The following R3HDM1 variants were observed in gnomAD, a reference collection of about 807,000 sequenced individuals.
R3HDM1 encodes the protein R3H domain-containing protein 1.
Under a neutral mutation model 141.1 loss-of-function variants are expected in R3HDM1, and 46 were observed. The ratio of observed to expected loss-of-function variants is 0.33; its 90% CI spans 0.26 to 0.42. The LOEUF (loss-of-function observed/expected upper bound fraction) is 0.42. R3HDM1 is among the 10% of genes least tolerant of loss of function. The pLI is 1.00. For synonymous variants in R3HDM1, 435 were observed against 472.9 expected (o/e 0.92, Z 1.04); for missense variants, 1,184 against 1,368.3 (o/e 0.87, Z 2.12).
At chr2:135,572,456 T>G (rs1704351609) in intron 1 of R3HDM1, among the ~76,000 whole-genome samples, 1 of 152,054 alleles carries the variant, frequency 6.6e-6, no homozygotes, top group Non-Finnish European at 1.5e-5. Context: ...GAAATGTAAA[T>G]CAAAACCAAA....
intron 19 of R3HDM1, among the ~76,000 whole-genome samples, chr2:135,670,765 A>G (rs955049515): frequency 6.6e-6 from 1 of 152,160 alleles, no homozygotes. Flanking sequence ...CTACATTTTT[A>G]AAAATATTCA....
At chr2:135,716,751 A>G (rs1166572646) in intron 24 of R3HDM1, among the ~76,000 whole-genome samples, 1 of 152,156 alleles carries the variant, frequency 6.6e-6, no homozygotes, top group Non-Finnish European at 1.5e-5. Context: ...TAGGAGTTCA[A>G]GACCAGCCTG....
chr2:135,707,738 C>T (rs1253662880), intron 21 of R3HDM1, among the ~76,000 whole-genome samples: 4 of 152,140 alleles, frequency 2.6e-5, no homozygotes, highest in Non-Finnish European at 2.9e-5. Context: ...TCCTCAATTT[C>T]GGCACATTTA....
At chr2:135,531,723 GAGA>G (rs1694746446) in intron 1 of R3HDM1, 90 bp downstream of exon 1, 1 of 986,094 alleles carries the variant, frequency 1.0e-6, no homozygotes, top group Non-Finnish European at 1.2e-6. Context: ...AGCGCTAACG[GAGA>G]AGGAGGCAGG....
intron 19 of R3HDM1, among the ~76,000 whole-genome samples, chr2:135,674,542 A>G (rs1418940483): frequency 6.6e-6 from 1 of 152,200 alleles, no homozygotes; most frequent in Non-Finnish European, 1.5e-5. Flanking sequence ...AGGAGACAAA[A>G]TACAATTCGT....
intron 1 of R3HDM1, among the ~76,000 whole-genome samples, chr2:135,587,853 G>T (rs1033255144): frequency 6.6e-6 from 1 of 150,766 alleles, no homozygotes; most frequent in African/African-American, 2.4e-5. Context: ...CTGAATATTT[G>T]TCTCTCCCTC....
intron 1 of R3HDM1, among the ~76,000 whole-genome samples, chr2:135,583,196 G>T (rs565666975): frequency 6.6e-6 from 1 of 152,116 alleles, no homozygotes; most frequent in African/African-American, 2.4e-5. Context: ...TTGTTTACCG[G>T]TCTCTCTAGT....
chr2:135,609,421 G>T (rs567724063), intron 3 of R3HDM1, among the ~76,000 whole-genome samples: 3 of 152,274 alleles, frequency 2.0e-5, no homozygotes, highest in African/African-American at 7.2e-5. Context: ...TTGCCTTGGA[G>T]TTGTTCTGAA....
intron 1 of R3HDM1, among the ~76,000 whole-genome samples, chr2:135,545,487 G>T (rs1490487699): frequency 6.6e-6 from 1 of 152,156 alleles, no homozygotes; most frequent in Non-Finnish European, 1.5e-5. Flanking sequence ...GAAGGAAAAA[G>T]CCATGAGATA....
chr2:135,657,005 C>G (rs769554699), intron 18 of R3HDM1, among the ~76,000 whole-genome samples: 3 of 151,818 alleles, frequency 2.0e-5, no homozygotes, highest in Non-Finnish European at 4.4e-5. Flanking sequence ...GAGGCTGAGG[C>G]ACAAGAATTG....
At chr2:135,534,466 T>G (rs1251161171) in intron 1 of R3HDM1, among the ~76,000 whole-genome samples, 1 of 152,238 alleles carries the variant, frequency 6.6e-6, no homozygotes. Flanking sequence ...TTGTGAGAGG[T>G]GCTATTCCTT....
At chr2:135,721,078 A>C (rs765444802) in intron 24 of R3HDM1, among the ~76,000 whole-genome samples, 1 of 152,318 alleles carries the variant, frequency 6.6e-6, no homozygotes, top group Admixed American at 6.5e-5. Context: ...GTCTCTATTC[A>C]TGTAGTTCCT....
At chr2:135,568,673 T>C (rs1703361411) in intron 1 of R3HDM1, 1 of 152,240 alleles carries the variant, frequency 6.6e-6, no homozygotes, top group Non-Finnish European at 1.5e-5. Flanking sequence ...TTTTAACCTT[T>C]GAAATAGAGT....
intron 1 of R3HDM1, among the ~76,000 whole-genome samples, chr2:135,550,479 T>A (rs542402750): frequency 4.4e-4 from 67 of 152,344 alleles, no homozygotes; most frequent in African/African-American, 1.5e-3. Context: ...ACCTATACTG[T>A]AATTTTAGAA....
At chr2:135,632,363 A>C (rs1358525884) in intron 9 of R3HDM1, among the ~76,000 whole-genome samples, 1 of 151,338 alleles carries the variant, frequency 6.6e-6, no homozygotes, top group African/African-American at 2.4e-5. Flanking sequence ...GAGAGAGCAG[A>C]CTTTGTCCGT....
At chr2:135,636,731 A>G (rs552785083) in intron 11 of R3HDM1, among the ~76,000 whole-genome samples, 4 of 151,864 alleles carry the variant, frequency 2.6e-5, no homozygotes, top group African/African-American at 4.8e-5. Flanking sequence ...GTCAACATCT[A>G]CTAAGCATCT....
At chr2:135,672,909 C>T (rs313521) in intron 19 of R3HDM1, among the ~76,000 whole-genome samples, 4,247 of 152,140 alleles carry the variant, frequency 0.028, 175 homozygotes, top group African/African-American at 0.087. Context: ...AGTTCAGGAC[C>T]AGCCTGTCCA....
chr2:135,668,300 T>C (rs2067826289), intron 19 of R3HDM1, among the ~76,000 whole-genome samples: 1 of 152,208 alleles, frequency 6.6e-6, no homozygotes, highest in Non-Finnish European at 1.5e-5. Context: ...AGCACTGCAT[T>C]AGAAAAAGAC....
At chr2:135,685,861 A>G (rs926245841) in intron 21 of R3HDM1, among the ~76,000 whole-genome samples, 17 of 152,156 alleles carry the variant, frequency 1.1e-4, no homozygotes, top group African/African-American at 4.1e-4. Context: ...TTGTTTTCTC[A>G]TTTGTAAGAC....
Sources: gnomAD v4.1 joint callset for allele counts (sites outside exome capture counted in the v4.1 genomes callset) on GRCh38, gnomAD v4.1.1 for gene constraint, MANE v1.5 for transcripts, NCBI Gene and HGNC (gene_info 2026-07-23, HGNC 2026-07-21) for gene names.